KSR2: variants seen among roughly 807,000 people sequenced by gnomAD.
The protein encoded by KSR2 is kinase suppressor of ras 2.
In KSR2, 25 loss-of-function variants were observed where a neutral mutation model predicts 107.8. The ratio of observed to expected loss-of-function variants is 0.23; its 90% CI spans 0.17 to 0.32. KSR2 has a LOEUF of 0.32. Among genes scored for constraint, KSR2 ranks in the 10% least tolerant of loss-of-function variants. The probability of loss-of-function intolerance (pLI) is 1.00; values close to 1 mark genes in which losing one functional copy is unlikely to be tolerated. For synonymous variants in KSR2, 480 were observed against 507.0 expected (o/e 0.95, Z 0.71); for missense variants, 887 against 1,268.9 (o/e 0.70, Z 4.57).
At chr12:117,679,295 T>C (rs182673901) in intron 4 of KSR2, among the ~76,000 whole-genome samples, 1 of 152,328 alleles carries the variant, frequency 6.6e-6, no homozygotes, top group Non-Finnish European at 1.5e-5. Context: ...CCCATGTGCA[T>C]TAACTCATGC....
At chr12:117,766,639 C>G (rs879710688) in intron 3 of KSR2, among the ~76,000 whole-genome samples, 1 of 151,954 alleles carries the variant, frequency 6.6e-6, no homozygotes, top group Non-Finnish European at 1.5e-5. Context: ...ATACAGGGCA[C>G]AGAAGAGTGG....
intron 1 of KSR2, among the ~76,000 whole-genome samples, chr12:117,870,551 A>G (rs561528996): frequency 6.6e-6 from 1 of 152,208 alleles, no homozygotes; most frequent in African/African-American, 2.4e-5. Context: ...GTAAGCCGAG[A>G]TCGCACCACT....
chr12:117,623,003 TAACA>T (rs1882274649), intron 5 of KSR2, among the ~76,000 whole-genome samples: 1 of 152,190 alleles, frequency 6.6e-6, no homozygotes, highest in African/African-American at 2.4e-5. Context: ...GCACAGGTAT[TAACA>T]GTCAGAGCTG....
intron 3 of KSR2, among the ~76,000 whole-genome samples, chr12:117,836,876 A>G (rs1429653711): frequency 6.6e-6 from 1 of 152,240 alleles, no homozygotes; most frequent in Non-Finnish European, 1.5e-5. Flanking sequence ...CCGGGCCCCA[A>G]GCTCTTTCCA....
intron 5 of KSR2, among the ~76,000 whole-genome samples, chr12:117,651,474 G>A (rs577664814): frequency 2.0e-5 from 3 of 152,330 alleles, no homozygotes; most frequent in South Asian, 4.1e-4. Flanking sequence ...GATATTAAGG[G>A]TGTGGGATAA....
intron 5 of KSR2, among the ~76,000 whole-genome samples, chr12:117,629,518 T>C (rs1185110695): frequency 6.6e-6 from 1 of 152,158 alleles, no homozygotes; most frequent in Non-Finnish European, 1.5e-5. Context: ...ACAATTGCAA[T>C]AAGTTGGTCA....
intron 5 of KSR2, among the ~76,000 whole-genome samples, chr12:117,615,232 C>T (rs973613580): frequency 2.0e-5 from 3 of 148,252 alleles, no homozygotes; most frequent in Non-Finnish European, 4.5e-5. Context: ...CACACACACA[C>T]ACACACACAC....
chr12:117,750,581 G>A lies in KSR2; in HGVS notation c.986+10430C>T, dbSNP rs549592377. ...GGTATATTGAGTGATGCTAAGGTTC[G>A]GGGTATGATAGACCCAACATTCAGT... On this transcript the variant is annotated intron_variant, in intron 4 of 19. Transcript: ENST00000339824. 7.4e-4 allele frequency among the ~76,000 whole-genome samples: 112 copies of A among 152,138 alleles called. 1 individual carries two copies. The South Asian group carries it at 7.7e-3, about 10-fold the overall frequency.
At chr12:117,717,936 G>A (rs969395852) in intron 4 of KSR2, among the ~76,000 whole-genome samples, 9 of 152,132 alleles carry the variant, frequency 5.9e-5, no homozygotes, top group African/African-American at 1.7e-4. Context: ...GAAGGCAGCT[G>A]GCCATAATGA....
chr12:117,586,786 A>C (rs1329616582), intron 5 of KSR2, among the ~76,000 whole-genome samples: 3 of 152,190 alleles, frequency 2.0e-5, no homozygotes, highest in Admixed American at 6.5e-5. Flanking sequence ...ATAGCGTATC[A>C]GCCATGATCA....
chr12:117,724,192 CA>C (rs1261784148), intron 4 of KSR2, among the ~76,000 whole-genome samples: 2 of 151,426 alleles, frequency 1.3e-5, no homozygotes, highest in African/African-American at 4.9e-5. Flanking sequence ...CCTGCAGTCC[CA>C]ACTACTTAGG....
intron 1 of KSR2, among the ~76,000 whole-genome samples, chr12:117,943,501 A>C (rs1896073341): frequency 3.6e-5 from 1 of 27,728 alleles, no homozygotes. Context: ...CCACCTAGCC[A>C]AAAAAAAAAA....
rs571789370 is a variant in KSR2, at chr12:117,519,068, T to C, written c.2219+5784A>G. On this transcript the variant is annotated intron_variant, in intron 14 of 19. Transcript: ENST00000339824. ...CAAACTGTAGACACTGTGTTCTGAG[T>C]GTCTATCATGTGGTCTGGCACTGTG... Among the ~76,000 whole-genome samples, 45 of 152,354 alleles carry C rather than the reference T, an allele frequency of 3.0e-4. 1 individual carries two copies. The highest frequency in any genetic ancestry group is 1.0e-3 in the African/African-American group (42 of 41,578).
intron 4 of KSR2, among the ~76,000 whole-genome samples, chr12:117,729,910 C>T (rs866517102): frequency 1.3e-5 from 2 of 152,186 alleles, no homozygotes; most frequent in African/African-American, 4.8e-5. Context: ...GGCAGCGTAG[C>T]ACTGATGATC....
intron 5 of KSR2, among the ~76,000 whole-genome samples, chr12:117,599,677 C>G (rs1426148507): frequency 2.0e-5 from 3 of 151,996 alleles, no homozygotes; most frequent in Non-Finnish European, 4.4e-5. Context: ...TATCTCTAAA[C>G]ATTTCCAAAT....
intron 5 of KSR2, among the ~76,000 whole-genome samples, chr12:117,604,318 T>G (rs1881113834): frequency 6.6e-6 from 1 of 152,142 alleles, no homozygotes; most frequent in African/African-American, 2.4e-5. Context: ...ATGGCCACCC[T>G]GCCGGCTGCA....
intron 5 of KSR2, among the ~76,000 whole-genome samples, chr12:117,610,629 C>T (rs561052398): frequency 6.6e-6 from 1 of 150,690 alleles, no homozygotes; most frequent in African/African-American, 2.4e-5. Flanking sequence ...GTCCCAGCTA[C>T]TTGGAAGGCT....
chr12:117,855,752 C>T (rs574155095), intron 2 of KSR2, among the ~76,000 whole-genome samples, 174 bp from the exon 3 acceptor site: 16 of 152,266 alleles, frequency 1.1e-4, no homozygotes, highest in African/African-American at 3.4e-4. Context: ...TCTGACCAGT[C>T]GCTCAACCTC....
At chr12:117,637,675 G>GGTTTT (rs1883164208) in intron 5 of KSR2, among the ~76,000 whole-genome samples, 11 of 92,088 alleles carry the variant, frequency 1.2e-4, no homozygotes, top group Non-Finnish European at 5.9e-5. Context: ...TCAGTTTTGG[G>GGTTTT]TTTTTTTTTT....
Sources: gnomAD v4.1 joint callset for allele counts (sites outside exome capture counted in the v4.1 genomes callset) on GRCh38, gnomAD v4.1.1 for gene constraint, MANE v1.5 for transcripts, NCBI Gene and HGNC (gene_info 2026-07-23, HGNC 2026-07-21) for gene names.